The following SLC38A4 variants were observed in gnomAD, a reference collection of about 807,000 sequenced individuals.
The protein encoded by SLC38A4 is sodium-coupled neutral amino acid transporter 4.
SLC38A4 carries 20 observed loss-of-function variants against 63.1 expected under a neutral mutation model. The observed-to-expected ratio is 0.32, with a 90% confidence interval of 0.22 to 0.46. SLC38A4 has a LOEUF of 0.46. Among genes scored for constraint, SLC38A4 ranks in the 20% least tolerant of loss-of-function variants. The pLI is 1.00. For missense variants in SLC38A4, 526 were observed against 663.6 expected (o/e 0.79, Z 2.28); for synonymous variants, 230 against 225.5 (o/e 1.02, Z -0.18).
At chr12:46,812,757 T>C (rs1427900266) in intron 1 of SLC38A4, among the ~76,000 whole-genome samples, 1 of 152,022 alleles carries the variant, frequency 6.6e-6, no homozygotes, top group African/African-American at 2.4e-5. Flanking sequence ...TTGCCATTGT[T>C]TGGATTAAAA....
chr12:46,794,803 GA>G (rs1938965845), intron 2 of SLC38A4, among the ~76,000 whole-genome samples: 2 of 151,848 alleles, frequency 1.3e-5, no homozygotes, highest in African/African-American at 4.8e-5. Context: ...TAATGGCAGA[GA>G]ATTGTCTAGA....
At chr12:46,829,385 T>C (rs1308622357), upstream of SLC38A4, among the ~76,000 whole-genome samples, 1 of 151,596 alleles carries the variant, frequency 6.6e-6, no homozygotes, top group African/African-American at 2.4e-5. Context: ...TTTTGATGTA[T>C]ATAAAATATA....
chr12:46,820,085 A>T (rs7959916), intron 1 of SLC38A4, among the ~76,000 whole-genome samples: 113,071 of 151,800 alleles, frequency 0.74, 42,342 homozygotes, highest in African/African-American at 0.81. Flanking sequence ...CAACGATGAG[A>T]TTGGACATGT....
chr12:46,803,453 G>A (rs1304745279), intron 2 of SLC38A4, 150 bp downstream of exon 2: 2 of 151,874 alleles, frequency 1.3e-5, no homozygotes, highest in Non-Finnish European at 2.9e-5. Flanking sequence ...ACATTATACT[G>A]AATTGATCAT....
rs190914589 is a variant in SLC38A4 at position 46,786,679 on chromosome 12, T to A, written c.326+1237A>T. ...AAAATTCAGATTATTAAAATCCTAGTTTATTTCAAAACATGGCTTATATAA... is the reference window on the plus strand; with the variant it reads ...AAAATTCAGATTATTAAAATCCTAGATTATTTCAAAACATGGCTTATATAA... On this transcript the variant is annotated intron_variant, in intron 5 of 16. Transcript: ENST00000266579. Among the ~76,000 whole-genome samples, 38 of 152,268 alleles carry A rather than the reference T, an allele frequency of 2.5e-4. No individual in the cohort carries two copies. The East Asian group carries it at 7.0e-3, about 28-fold the overall frequency.
In SLC38A4 at chr12:46,792,961, T is replaced by C. The variant is rs752438482; in HGVS notation, c.111A>G (p.Ala37=). ...AATTTTTAACCCCATACCTGCTCATTGCTGCCTTTTCTGAATTTCCTATCC... is the reference window on the plus strand; with the variant it reads ...AATTTTTAACCCCATACCTGCTCATCGCTGCCTTTTCTGAATTTCCTATCC... ...YIGIGNSEKA[A]MSSQFANEDT... The change falls in exon 3 of 17, where the codon GCA becomes GCG. Residue 37 remains alanine (A), a synonymous_variant. Transcript: ENST00000266579. The C allele has an allele frequency of 5.0e-6, 8 of 1,612,166 alleles. No homozygotes were observed. The highest frequency in any genetic ancestry group is 6.8e-6 in the Non-Finnish European group (8 of 1,178,428).
chr12:46,767,647 T>A (rs997038784), intron 16 of SLC38A4, among the ~76,000 whole-genome samples: 2 of 152,036 alleles, frequency 1.3e-5, no homozygotes, highest in Admixed American at 1.3e-4. Flanking sequence ...AAATTCAGAG[T>A]AATTCAGTAA....
In SLC38A4 at chr12:46,779,650, A is replaced by C; in HGVS notation, c.678T>G (p.Ser226Arg). 2.5e-6 allele frequency: 4 copies of C among 1,607,490 alleles called. No individual in the cohort carries two copies. The highest frequency in any genetic ancestry group is 3.4e-6 in the Non-Finnish European group (4 of 1,177,910). ...ACACCATGCAGGTAAGAGAAAATCC[A>C]CTGGTATAGCCAAGATAACCTAGAA... is the stretch of plus-strand genomic sequence containing the variant. ...LKNLGYLGYT[S>R]GFSLTCMVFF... The change falls in exon 10 of 17, where the codon AGT becomes AGG. Residue 226 changes from serine (S) to arginine (R), a missense_variant. Coordinates refer to ENST00000266579, the MANE Select transcript of SLC38A4 (RefSeq NM_018018.5).
At chr12:46,813,721 G>A (rs1205550235) in intron 1 of SLC38A4, among the ~76,000 whole-genome samples, 1 of 151,958 alleles carries the variant, frequency 6.6e-6, no homozygotes, top group Non-Finnish European at 1.5e-5. Context: ...ACTTAAATCC[G>A]ACTTCTGTCT....
Position 46,784,577 on chromosome 12 carries a change from C to G in SLC38A4, c.458G>C (p.Gly153Ala), listed in dbSNP as rs770343787. 2 of 1,612,914 alleles carry G rather than the reference C, an allele frequency of 1.2e-6. No homozygotes were observed. The highest frequency in any genetic ancestry group is 2.2e-5 in the South Asian group (2 of 91,018). Reference protein sequence around the residue: ...EKAFGWPGKIGAFVSITMQNI... With the variant: ...EKAFGWPGKIAAFVSITMQNI... ...CTGCATTGTAATGGAAACAAAAGCT[C>G]CAATTTTTCCCGGCCATCCAAATGC... Residue 153 changes from glycine (G) to alanine (A), a missense_variant, in exon 7 of 17, where the codon GGA becomes GCA. By Grantham distance (60) the Gly-to-Ala change is moderately conservative (BLOSUM62 0). Coordinates refer to ENST00000266579, the MANE Select transcript of SLC38A4 (RefSeq NM_018018.5).
chr12:46,773,751 C>T (rs1306620036), intron 14 of SLC38A4, among the ~76,000 whole-genome samples: 3 of 151,992 alleles, frequency 2.0e-5, no homozygotes, highest in East Asian at 1.9e-4. Flanking sequence ...GTCTGTGTGA[C>T]GATGGCCAAT....
chr12:46,779,523 A>C, intron 10 of SLC38A4, 88 bp downstream of exon 10: 1 of 985,732 alleles, frequency 1.0e-6, no homozygotes, highest in East Asian at 2.4e-5. Flanking sequence ...ATATTAGTGA[A>C]GTGCTTGAAC....
At chr12:46,776,224 T>A (rs548783938) in intron 13 of SLC38A4, among the ~76,000 whole-genome samples, 3 of 152,136 alleles carry the variant, frequency 2.0e-5, no homozygotes, top group East Asian at 3.9e-4. Context: ...TTCCATGAAA[T>A]CTGTTTATGT....
upstream of SLC38A4, among the ~76,000 whole-genome samples, chr12:46,828,138 C>T (rs1939684705): frequency 6.6e-6 from 1 of 152,220 alleles, no homozygotes; most frequent in Non-Finnish European, 1.5e-5. Context: ...GGTCTCTCCA[C>T]TGAGAGTCCT....
upstream of SLC38A4, among the ~76,000 whole-genome samples, chr12:46,829,589 A>T (rs1014167471): frequency 2.6e-5 from 4 of 152,228 alleles, 1 homozygote; most frequent in Non-Finnish European, 4.4e-5. Flanking sequence ...GTTTGTGCTG[A>T]TAAACTGACA....
chr12:46,766,745 T>C lies in SLC38A4; in HGVS notation c.1600A>G (p.Ile534Val), dbSNP rs1938309163. 3.7e-6 allele frequency: 6 copies of C among 1,612,256 alleles called. No homozygotes were observed. In the East Asian group the frequency reaches 1.3e-4, roughly 36 times the overall value. The change falls in exon 17 of 17, where the codon ATA becomes GTA. Residue 534 changes from isoleucine to valine, a missense_variant. Coordinates refer to ENST00000266579, the MANE Select transcript of SLC38A4 (RefSeq NM_018018.5). ...GGAGGATCATAAATCCAGTCAATTATAATGAGTGCCATGCTTCCAATCATG... is the reference window on the plus strand; with the variant it reads ...GGAGGATCATAAATCCAGTCAATTACAATGAGTGCCATGCTTCCAATCATG... ...FFMIGSMALI[I>V]IDWIYDPPNS...
At chr12:46,800,905 C>T (rs77562372) in intron 2 of SLC38A4, among the ~76,000 whole-genome samples, 9,743 of 152,194 alleles carry the variant, frequency 0.064, 354 homozygotes, top group Middle Eastern at 0.12. Flanking sequence ...AAAATTCTCT[C>T]CTCTGATTGT....
chr12:46,802,206 C>T (rs1300473821), intron 2 of SLC38A4, among the ~76,000 whole-genome samples: 1 of 152,002 alleles, frequency 6.6e-6, no homozygotes, highest in East Asian at 1.9e-4. Flanking sequence ...TAAATTGCCA[C>T]ATAAATTTTA....
upstream of SLC38A4, among the ~76,000 whole-genome samples, chr12:46,829,445 T>TA (rs5798002): frequency 4.4e-4 from 65 of 148,416 alleles, 2 homozygotes; most frequent in East Asian, 3.7e-3. Flanking sequence ...ATGTAAAAAG[T>TA]AAAAAAAAAA....
Sources: gnomAD v4.1 joint callset for allele counts (sites outside exome capture counted in the v4.1 genomes callset) on GRCh38, gnomAD v4.1.1 for gene constraint, MANE v1.5 for transcripts, NCBI Gene and HGNC (gene_info 2026-07-23, HGNC 2026-07-21) for gene names.